LDLRAD4: variants seen among roughly 807,000 people sequenced by gnomAD.
LDLRAD4 encodes low-density lipoprotein receptor class A domain-containing protein 4.
In LDLRAD4, 5 loss-of-function variants were observed where a neutral mutation model predicts 17.0. That is an observed-to-expected ratio of 0.29 (90% CI 0.15 to 0.62). LDLRAD4 has a LOEUF of 0.62. LDLRAD4 is among the 20% of genes least tolerant of loss of function. The pLI, the probability that LDLRAD4 is intolerant of heterozygous loss-of-function variation, is 0.84. For synonymous variants in LDLRAD4, 168 were observed against 171.8 expected, an observed-to-expected ratio of 0.98 and a Z score of 0.17; for missense variants, 340 against 424.7, an observed-to-expected ratio of 0.80 and a Z score of 1.75.
At chr18:13,529,318 C>T (rs1276247671) in intron 3 of LDLRAD4, among the ~76,000 whole-genome samples, 1 of 152,144 alleles carries the variant, frequency 6.6e-6, no homozygotes, top group Non-Finnish European at 1.5e-5. Flanking sequence ...CTCCCACATT[C>T]CAAAGGGAAA....
chr18:13,618,283 A>G (rs2040271187), intron 3 of LDLRAD4, among the ~76,000 whole-genome samples: 1 of 152,356 alleles, frequency 6.6e-6, no homozygotes, highest in African/African-American at 2.4e-5. Context: ...CATGCAACGG[A>G]GGCCTGGGCT....
intron 3 of LDLRAD4, among the ~76,000 whole-genome samples, chr18:13,606,033 G>C (rs1242708336): frequency 1.3e-5 from 2 of 152,202 alleles, no homozygotes. Context: ...ACTCTGAGGA[G>C]CGAGGGTTGG....
chr18:13,276,908 C>T (rs565398266), upstream of LDLRAD4, among the ~76,000 whole-genome samples: 11 of 152,158 alleles, frequency 7.2e-5, no homozygotes, highest in Admixed American at 1.3e-4. Context: ...CATGGACTTC[C>T]GTTCCCAAGA....
chr18:13,266,670 G>A (rs537526676), intron 1 of LDLRAD4, among the ~76,000 whole-genome samples: 1 of 152,374 alleles, frequency 6.6e-6, no homozygotes, highest in East Asian at 1.9e-4. Flanking sequence ...GCTGCCTGGC[G>A]ATGGCTTCTC....
intron 2 of LDLRAD4, among the ~76,000 whole-genome samples, chr18:13,434,638 C>T (rs905747568): frequency 6.6e-6 from 1 of 152,174 alleles, no homozygotes; most frequent in Non-Finnish European, 1.5e-5. Flanking sequence ...TCTAGTCTGT[C>T]AAAGTGTAGT....
chr18:13,295,862 T>C (rs574612402), intron 1 of LDLRAD4, among the ~76,000 whole-genome samples: 1 of 152,244 alleles, frequency 6.6e-6, no homozygotes, highest in Non-Finnish European at 1.5e-5. Flanking sequence ...TGGGGTTTTG[T>C]GTGTGAGACT....
chr18:13,609,976 C>T (rs893208397), intron 3 of LDLRAD4, among the ~76,000 whole-genome samples: 1 of 151,842 alleles, frequency 6.6e-6, no homozygotes, highest in Non-Finnish European at 1.5e-5. Context: ...AGCAAGACTG[C>T]ATCCAAAAAA....
chr18:13,482,617 G>T (rs1422412791), intron 3 of LDLRAD4, among the ~76,000 whole-genome samples: 2 of 152,244 alleles, frequency 1.3e-5, no homozygotes, highest in Non-Finnish European at 2.9e-5. Context: ...CATGGGGACT[G>T]CAGGGGCCGC....
intron 3 of LDLRAD4, among the ~76,000 whole-genome samples, chr18:13,451,780 G>A (rs536491451): frequency 6.6e-6 from 1 of 152,268 alleles, no homozygotes; most frequent in East Asian, 1.9e-4. Flanking sequence ...GCACTCTGAG[G>A]TCTCTTTCCC....
intron 1 of LDLRAD4, among the ~76,000 whole-genome samples, chr18:13,295,592 A>G (rs1305780596): frequency 6.6e-6 from 1 of 152,230 alleles, no homozygotes. Context: ...TAAAGAATCA[A>G]CTGGCACCTT....
At chr18:13,371,318 GC>G (rs950551913) in intron 1 of LDLRAD4, among the ~76,000 whole-genome samples, 8 of 152,198 alleles carry the variant, frequency 5.3e-5, no homozygotes, top group African/African-American at 1.9e-4. Flanking sequence ...ATGGGGGGCT[GC>G]CCCAGGAAGC....
At position 13,506,315 on chromosome 18, in the gene LDLRAD4, C is replaced by T. The variant is rs142609404; in HGVS notation, c.181+67931C>T. ...GTACATGTGCCATGTTGGTGTGCCG[C>T]ACCCATTAACTCGTCATTTACATTA... On this transcript the variant is annotated intron_variant, in intron 3 of 5. Coordinates refer to ENST00000359446, the Ensembl canonical transcript of LDLRAD4. 1.6e-3 allele frequency among the ~76,000 whole-genome samples: 245 copies of T among 151,778 alleles called. 3 individuals carry two copies. Among genetic ancestry groups the T allele is most frequent in the Non-Finnish European group, 5.2e-4 (35 of 67,950 alleles).
At chr18:13,305,794 A>G (rs2046877175) in intron 1 of LDLRAD4, among the ~76,000 whole-genome samples, 1 of 152,272 alleles carries the variant, frequency 6.6e-6, no homozygotes, top group Non-Finnish European at 1.5e-5. Flanking sequence ...GCCAACAGGC[A>G]CAAAAACTTT....
intron 3 of LDLRAD4, among the ~76,000 whole-genome samples, chr18:13,450,634 G>A (rs1013297476): frequency 1.3e-5 from 2 of 152,216 alleles, no homozygotes; most frequent in South Asian, 2.1e-4. Context: ...TGTGTGAGAC[G>A]GAGGCTTTGC....
At chr18:13,615,189 G>A (rs1053757276) in intron 3 of LDLRAD4, 3 of 152,338 alleles carry the variant, frequency 2.0e-5, no homozygotes, top group Non-Finnish European at 4.4e-5. Flanking sequence ...ACATTGCAAT[G>A]TTCTGCGTGG....
intron 1 of LDLRAD4, among the ~76,000 whole-genome samples, chr18:13,343,890 G>T (rs1315729033): frequency 5.9e-5 from 9 of 152,186 alleles, no homozygotes; most frequent in Admixed American, 1.3e-4. Context: ...CTTTTGAGAA[G>T]TGTCTGTTCA....
In LDLRAD4 at chr18:13,300,832, A is replaced by G. The variant is rs1054400137; in HGVS notation, c.-383+22644A>G. ...TTCTGAGGCTGAACAGACACCTCTC[A>G]TGATCAGAGATGGGGTGTGGGAAGG... is the stretch of plus-strand genomic sequence containing the variant. On this transcript the variant is annotated intron_variant, in intron 1 of 5. Transcript: ENST00000359446. The surrounding 1 kb of genome is among the most constrained non-coding windows in gnomAD (Gnocchi z 4.2). 2.0e-5 allele frequency among the ~76,000 whole-genome samples: 3 copies of G among 152,206 alleles called. No individual in the cohort carries two copies. Among genetic ancestry groups the G allele is most frequent in the Non-Finnish European group, 4.4e-5 (3 of 68,038 alleles).
chr18:13,416,005 G>A (rs2088860061), intron 2 of LDLRAD4, among the ~76,000 whole-genome samples: 1 of 152,226 alleles, frequency 6.6e-6, no homozygotes, highest in Admixed American at 6.5e-5. Context: ...GGTGTGGGCT[G>A]TGCTGGCCAG....
intron 1 of LDLRAD4, among the ~76,000 whole-genome samples, chr18:13,307,737 A>G (rs2046997821): frequency 6.6e-6 from 1 of 152,078 alleles, no homozygotes; most frequent in East Asian, 1.9e-4. Flanking sequence ...TTTAAATAAC[A>G]TTTTCTTTTC....
Sources: gnomAD v4.1 joint callset for allele counts (sites outside exome capture counted in the v4.1 genomes callset) on GRCh38, gnomAD v4.1.1 for gene constraint, Gnocchi (gnomAD v3.1) non-coding constraint, MANE v1.5 for transcripts, NCBI Gene and HGNC (gene_info 2026-07-23, HGNC 2026-07-21) for gene names.